The following SLC16A2 variants were observed in gnomAD, a reference collection of about 807,000 sequenced individuals.
SLC16A2 encodes solute carrier family 16 member 2, also known as monocarboxylate transporter 8.
Under a neutral mutation model 27.2 loss-of-function variants are expected in SLC16A2, and 3 were observed. The ratio of observed to expected loss-of-function variants is 0.11; its 90% CI spans 0.05 to 0.28. The LOEUF is 0.28. SLC16A2 is among the 10% of genes least tolerant of loss of function. SLC16A2 has a pLI of 1.00. For missense variants in SLC16A2, 295 were observed against 458.5 expected (o/e 0.64, Z 3.26); for synonymous variants, 202 against 187.8 (o/e 1.08, Z -0.62).
chrX:74,504,708 G>T (rs1930093313), intron 1 of SLC16A2, among the ~76,000 whole-genome samples: 1 of 112,600 alleles, frequency 8.9e-6, no homozygotes, highest in African/African-American at 3.2e-5. Flanking sequence ...TAGAAAGTGA[G>T]GATGTAGAGC....
intron 1 of SLC16A2, among the ~76,000 whole-genome samples, chrX:74,443,527 C>G (rs1201823711): frequency 8.9e-6 from 1 of 112,333 alleles, no homozygotes; most frequent in Non-Finnish European, 1.9e-5. Flanking sequence ...GCCCGGGGCT[C>G]TGACTCAGCT....
intron 1 of SLC16A2, among the ~76,000 whole-genome samples, chrX:74,491,111 G>A (rs998337135): frequency 8.9e-6 from 1 of 111,746 alleles, no homozygotes; most frequent in East Asian, 2.8e-4. Flanking sequence ...AATGAAAAGA[G>A]TCAAACTCTG....
intron 1 of SLC16A2, among the ~76,000 whole-genome samples, chrX:74,432,942 T>C (rs1602104694): frequency 8.9e-6 from 1 of 112,229 alleles, no homozygotes; most frequent in South Asian, 3.7e-4. Flanking sequence ...AGCCACCCTG[T>C]TTCCCTCCCT....
intron 1 of SLC16A2, among the ~76,000 whole-genome samples, chrX:74,448,943 C>T (rs781183416): frequency 4.0e-4 from 45 of 111,343 alleles, no homozygotes; most frequent in South Asian, 7.6e-4. Context: ...CCTTCATGCC[C>T]GCATCTTTAG....
At chrX:74,516,824 T>C (rs1054431106) in intron 1 of SLC16A2, among the ~76,000 whole-genome samples, 1 of 111,588 alleles carries the variant, frequency 9.0e-6, no homozygotes, top group Non-Finnish European at 1.9e-5. Context: ...AAGACAGAGA[T>C]TGGCAGAGTG....
At position 74,427,810 on chromosome X, in the gene SLC16A2, C is replaced by T. The variant is rs931403282; in HGVS notation, c.430+5743C>T. Among the ~76,000 whole-genome samples, 30 of 72,429 alleles carry T rather than the reference C, an allele frequency of 4.1e-4. No homozygotes were observed. In the Middle Eastern group the frequency reaches 0.024, roughly 58 times the overall value. 62.9% of individuals were successfully genotyped at this position (72,429 alleles called of 115,157 possible). On this transcript the variant is annotated intron_variant, in intron 1 of 5. Transcript: ENST00000587091. ...GCGCATGCGCACGCGTGCACGCGCG[C>T]GCACACACACACACACACACACACA...
chrX:74,477,540 T>C (rs1929509066), intron 1 of SLC16A2, among the ~76,000 whole-genome samples: 1 of 111,812 alleles, frequency 8.9e-6, no homozygotes, highest in East Asian at 2.8e-4. Flanking sequence ...ATGTGTTTGC[T>C]CTTGCTTCTC....
At chrX:74,493,924 A>G (rs973656691) in intron 1 of SLC16A2, among the ~76,000 whole-genome samples, 12 of 111,489 alleles carry the variant, frequency 1.1e-4, no homozygotes, top group Admixed American at 2.9e-4. Flanking sequence ...AGGCGGGAAC[A>G]AGCCTTCCAG....
chrX:74,430,127 C>A (rs750163664), intron 1 of SLC16A2, among the ~76,000 whole-genome samples: 6 of 112,296 alleles, frequency 5.3e-5, no homozygotes, highest in Admixed American at 9.4e-5. Flanking sequence ...TAAGTCTGTG[C>A]GAGGCACTAT....
chrX:74,446,278 A>G (rs1009981639), intron 1 of SLC16A2, among the ~76,000 whole-genome samples: 1 of 110,919 alleles, frequency 9.0e-6, no homozygotes, highest in African/African-American at 3.3e-5. Flanking sequence ...TTTCTCACAC[A>G]TTGGTCCTGT....
At chrX:74,439,705 T>TG (rs774807672) in intron 1 of SLC16A2, among the ~76,000 whole-genome samples, 1 of 106,174 alleles carries the variant, frequency 9.4e-6, no homozygotes, top group South Asian at 4.3e-4. Context: ...GGTGGGGGAG[T>TG]GGGGGGTGGT....
chrX:74,517,152 C>G (rs1221626529), intron 1 of SLC16A2, among the ~76,000 whole-genome samples: 2 of 111,770 alleles, frequency 1.8e-5, no homozygotes, highest in African/African-American at 6.5e-5. Context: ...TTGTGCCACT[C>G]CTAATTTTCT....
intron 1 of SLC16A2, among the ~76,000 whole-genome samples, chrX:74,475,722 A>G (rs920338506): frequency 8.9e-6 from 1 of 111,918 alleles, no homozygotes; most frequent in African/African-American, 3.2e-5. Context: ...TCCCAGCACC[A>G]TTTATTAAAT....
chrX:74,488,683 G>C (rs949527374), intron 1 of SLC16A2, among the ~76,000 whole-genome samples: 2 of 110,819 alleles, frequency 1.8e-5, no homozygotes, highest in Non-Finnish European at 1.9e-5. Context: ...TGGATTTTCT[G>C]TTTTGTCCTA....
intron 1 of SLC16A2, among the ~76,000 whole-genome samples, chrX:74,431,493 G>T (rs1255638362): frequency 9.0e-6 from 1 of 111,645 alleles, no homozygotes; most frequent in African/African-American, 3.3e-5. Flanking sequence ...GGAAGGGGAT[G>T]ACAGTTTACA....
At chrX:74,466,271 G>A (rs894040335) in intron 1 of SLC16A2, among the ~76,000 whole-genome samples, 2 of 111,190 alleles carry the variant, frequency 1.8e-5, no homozygotes, top group African/African-American at 6.5e-5. Context: ...TCAGGCTACA[G>A]CATTCTCCAC....
chrX:74,509,667 G>A (rs758095104), intron 1 of SLC16A2, among the ~76,000 whole-genome samples: 4 of 110,981 alleles, frequency 3.6e-5, no homozygotes, highest in African/African-American at 1.3e-4. Flanking sequence ...GGGTTCAAGC[G>A]ATTCTCCTTC....
chrX:74,505,802 G>T (rs917994462), intron 1 of SLC16A2, among the ~76,000 whole-genome samples: 21 of 112,092 alleles, frequency 1.9e-4, no homozygotes, highest in Admixed American at 1.5e-3. Flanking sequence ...TCCCATTGGG[G>T]TGCCTGCTGG....
At chrX:74,515,664 C>T (rs1401495852) in intron 1 of SLC16A2, among the ~76,000 whole-genome samples, 1 of 111,879 alleles carries the variant, frequency 8.9e-6, no homozygotes, top group Non-Finnish European at 1.9e-5. Flanking sequence ...CACACACACA[C>T]ACACATCTTG....
Sources: allele counts gnomAD v4.1 joint callset (sites outside exome capture counted in the v4.1 genomes callset), GRCh38; gene constraint gnomAD v4.1.1; transcripts MANE v1.5; gene names NCBI Gene and HGNC (gene_info 2026-07-23, HGNC 2026-07-21).